UNC13C: variants seen among roughly 807,000 people sequenced by gnomAD.
UNC13C encodes the protein unc-13 homolog C.
UNC13C carries 174 observed loss-of-function variants against 245.4 expected under a neutral mutation model. That is an observed-to-expected ratio of 0.71 (90% CI 0.63 to 0.80). UNC13C has a LOEUF of 0.80. Ranked by LOEUF, UNC13C falls within the 30% of genes least tolerant of loss-of-function variation. The probability of loss-of-function intolerance (pLI) is 0.00; values close to 1 mark genes in which losing one functional copy is unlikely to be tolerated. For missense variants in UNC13C, 2,829 were observed against 2,602.9 expected, an observed-to-expected ratio of 1.09 and a Z score of -1.89; for synonymous variants, 992 against 895.1, an observed-to-expected ratio of 1.11 and a Z score of -1.93.
At chr15:54,394,165 A>G (rs1234889609) in intron 18 of UNC13C, among the ~76,000 whole-genome samples, 2 of 151,878 alleles carry the variant, frequency 1.3e-5, no homozygotes, top group East Asian at 3.9e-4. Flanking sequence ...ATTCCAGTTA[A>G]AGAAGAAATA....
At chr15:54,379,567 A>G (rs987574916) in intron 17 of UNC13C, among the ~76,000 whole-genome samples, 2 of 152,110 alleles carry the variant, frequency 1.3e-5, no homozygotes, top group African/African-American at 4.8e-5. Flanking sequence ...ATGAGACTTC[A>G]TAAGAGCAGT....
chr15:54,518,563 C>A (rs185873256), intron 24 of UNC13C, among the ~76,000 whole-genome samples: 11 of 152,282 alleles, frequency 7.2e-5, no homozygotes, highest in African/African-American at 2.6e-4. Context: ...CTCATGCCTG[C>A]TTTAACAAAC....
intron 4 of UNC13C, among the ~76,000 whole-genome samples, chr15:54,231,935 C>G (rs753290737): frequency 6.6e-6 from 1 of 151,992 alleles, no homozygotes; most frequent in African/African-American, 2.4e-5. Flanking sequence ...AATATTTCTA[C>G]TATTTACTAG....
intron 13 of UNC13C, among the ~76,000 whole-genome samples, chr15:54,310,434 C>A (rs1193210825): frequency 6.6e-6 from 1 of 151,850 alleles, no homozygotes; most frequent in African/African-American, 2.4e-5. Context: ...CCAGTGCTTT[C>A]TTGCTATTTT....
At chr15:54,169,928 T>A (rs1023496457) in intron 4 of UNC13C, among the ~76,000 whole-genome samples, 1 of 152,112 alleles carries the variant, frequency 6.6e-6, no homozygotes, top group African/African-American at 2.4e-5. Flanking sequence ...GATAATGCAT[T>A]TGATATCTAT....
At chr15:53,929,782 A>C in the UNC13C span, among the ~76,000 whole-genome samples, 1 of 152,218 alleles carries the variant, frequency 6.6e-6, no homozygotes, top group Non-Finnish European at 1.5e-5. Context: ...TTTAGAAACC[A>C]GCATTTTTCA....
Position 54,446,556 on chromosome 15 carries a change from G to A in UNC13C, c.4933+31489G>A, listed in dbSNP as rs546179590. Among the ~76,000 whole-genome samples, 437 of 152,192 alleles carry A rather than the reference G, an allele frequency of 2.9e-3. 2 individuals are homozygous for A. The highest frequency in any genetic ancestry group is 4.4e-3 in the Non-Finnish European group (299 of 67,986). Reference sequence around the variant, plus strand: ...TAGGTATTTTATTCTCTTTGAAGCAGTTGTGAATGGGAGTTCACTCATGAT... The same window carrying A: ...TAGGTATTTTATTCTCTTTGAAGCAATTGTGAATGGGAGTTCACTCATGAT... On this transcript the variant is annotated intron_variant, in intron 19 of 32. Transcript: ENST00000260323.
At chr15:54,083,494 G>A (rs1899067263) in intron 2 of UNC13C, among the ~76,000 whole-genome samples, 1 of 152,190 alleles carries the variant, frequency 6.6e-6, no homozygotes, top group Non-Finnish European at 1.5e-5. Flanking sequence ...CCAAGAAAAA[G>A]CACTTTCTCC....
At chr15:53,918,970 TCTC>T in the UNC13C span, among the ~76,000 whole-genome samples, 1 of 152,236 alleles carries the variant, frequency 6.6e-6, no homozygotes, top group Non-Finnish European at 1.5e-5. Flanking sequence ...GGGATTTCTT[TCTC>T]CTATTTTAGT....
intron 19 of UNC13C, among the ~76,000 whole-genome samples, chr15:54,427,311 G>C (rs1413569703): frequency 6.6e-6 from 1 of 151,642 alleles, no homozygotes; most frequent in African/African-American, 2.4e-5. Flanking sequence ...AAGATCTGAT[G>C]GGTTTATCAG....
At chr15:54,161,069 T>A (rs1189452938) in intron 4 of UNC13C, among the ~76,000 whole-genome samples, 1 of 152,166 alleles carries the variant, frequency 6.6e-6, no homozygotes, top group African/African-American at 2.4e-5. Flanking sequence ...AGTGGATTGT[T>A]GTAAAAGAAA....
chr15:54,350,163 T>C (rs2140839940), intron 17 of UNC13C, among the ~76,000 whole-genome samples: 1 of 152,272 alleles, frequency 6.6e-6, no homozygotes, highest in African/African-American at 2.4e-5. Context: ...GGCTAATTTT[T>C]GTATTTTTAG....
At chr15:54,197,957 A>C (rs1319738729) in intron 4 of UNC13C, among the ~76,000 whole-genome samples, 1 of 152,070 alleles carries the variant, frequency 6.6e-6, no homozygotes, top group Non-Finnish European at 1.5e-5. Context: ...CTGCCTGGAA[A>C]TAGACTCGGT....
the UNC13C span, among the ~76,000 whole-genome samples, chr15:53,877,343 C>T: frequency 6.6e-6 from 1 of 152,138 alleles, no homozygotes; most frequent in African/African-American, 2.4e-5. Context: ...GCCATGTTCC[C>T]TCCCTGAGAG....
the UNC13C span, among the ~76,000 whole-genome samples, chr15:53,939,583 C>T: frequency 6.6e-6 from 1 of 152,110 alleles, no homozygotes; most frequent in Non-Finnish European, 1.5e-5. Flanking sequence ...ATGCAAAAAT[C>T]CTCAATAAAA....
At chr15:54,263,461 G>A (rs947864541) in intron 8 of UNC13C, among the ~76,000 whole-genome samples, 1 of 152,100 alleles carries the variant, frequency 6.6e-6, no homozygotes, top group East Asian at 1.9e-4. Flanking sequence ...CTGACAGAAT[G>A]ATTTGTGTTA....
At chr15:54,401,637 C>G (rs113206193) in intron 18 of UNC13C, among the ~76,000 whole-genome samples, 2 of 152,206 alleles carry the variant, frequency 1.3e-5, no homozygotes, top group African/African-American at 4.8e-5. Context: ...AGGTAGTTGA[C>G]AGTGAGTGGA....
At chr15:54,003,411 G>C (rs893537509) in intron 1 of UNC13C, among the ~76,000 whole-genome samples, 1 of 152,088 alleles carries the variant, frequency 6.6e-6, no homozygotes, top group Non-Finnish European at 1.5e-5. Flanking sequence ...GAATGGGGTC[G>C]GGCCATGCCA....
Position 54,265,408 on chromosome 15 carries a change from T to C in UNC13C, c.3730T>C (p.Tyr1244His). ...AGATAAAACAGGGTCTAGTGATCCA[T>C]ATGTTACAGTTCAAGTTGGAAAGAA... is the stretch of plus-strand genomic sequence containing the variant. ...AKDKTGSSDP[Y>H]VTVQVGKNKR... The change falls in exon 10 of 33, where the codon TAT becomes CAT. Residue 1244 changes from tyrosine to histidine, a missense_variant. Coordinates refer to ENST00000260323, the MANE Select transcript of UNC13C (RefSeq NM_001080534.3). The C allele has an allele frequency of 6.3e-7, 1 of 1,590,514 alleles. No homozygotes were observed. The highest frequency in any genetic ancestry group is 8.6e-7 in the Non-Finnish European group (1 of 1,166,408).
Sources: gnomAD v4.1 joint callset for allele counts (sites outside exome capture counted in the v4.1 genomes callset) on GRCh38, gnomAD v4.1.1 for gene constraint, MANE v1.5 for transcripts, NCBI Gene and HGNC (gene_info 2026-07-23, HGNC 2026-07-21) for gene names.